RORB: variants seen among roughly 807,000 people sequenced by gnomAD.
The protein encoded by RORB is nuclear receptor ROR-beta.
RORB carries 6 observed loss-of-function variants against 59.1 expected under a neutral mutation model. The observed-to-expected ratio is 0.10, with a 90% CI of 0.06 to 0.20. The LOEUF is 0.20. Ranked by LOEUF, RORB falls within the 10% of genes least tolerant of loss-of-function variation. RORB has a pLI of 1.00. For synonymous variants in RORB, 215 were observed against 204.5 expected (o/e 1.05, Z -0.44); for missense variants, 320 against 560.5 (o/e 0.57, Z 4.33).
At chr9:74,640,469 G>A (rs891399420) in intron 3 of RORB, among the ~76,000 whole-genome samples, 1 of 151,780 alleles carries the variant, frequency 6.6e-6, no homozygotes, top group Non-Finnish European at 1.5e-5. Flanking sequence ...ATTTTTAGTA[G>A]AGACAGGGTT....
At chr9:74,534,125 A>C (rs1461426440) in intron 1 of RORB, among the ~76,000 whole-genome samples, 1 of 151,868 alleles carries the variant, frequency 6.6e-6, no homozygotes, top group Non-Finnish European at 1.5e-5. Context: ...TATGTTTGCT[A>C]TTTTCTTCCT....
intron 1 of RORB, among the ~76,000 whole-genome samples, chr9:74,526,410 G>A (rs1209801237): frequency 1.3e-5 from 2 of 151,692 alleles, no homozygotes; most frequent in African/African-American, 4.8e-5. Flanking sequence ...CCAGCATGGA[G>A]CTCGCCTTCC....
chr9:74,554,578 A>T (rs932542347), intron 1 of RORB, among the ~76,000 whole-genome samples: 2 of 27,872 alleles, frequency 7.2e-5, no homozygotes, highest in Non-Finnish European at 1.4e-4. Flanking sequence ...GAATAACTTA[A>T]AAAAAAAAAA....
chr9:74,497,697 C>T lies in RORB; in HGVS notation c.-280C>T, dbSNP rs1563921151. 4 of 499,318 alleles carry T rather than the reference C, an allele frequency of 8.0e-6. No homozygotes were observed. Among genetic ancestry groups the T allele is most frequent in the Non-Finnish European group, 1.4e-5 (4 of 280,704 alleles). The allele number at this position is 499,318 out of a possible 1,614,324, so 30.9% of individuals were successfully genotyped here. ...CAAAACCAAAACAAAACCCAGGCAC[C>T]AGACAGCCAGAACATTTTTTTTTCA... On this transcript the variant is annotated 5_prime_UTR_variant, in exon 1 of 10. Coordinates refer to ENST00000376896, the MANE Select transcript of RORB (RefSeq NM_006914.4).
chr9:74,587,434 T>C (rs1822818462), intron 1 of RORB, among the ~76,000 whole-genome samples: 1 of 152,216 alleles, frequency 6.6e-6, no homozygotes. Context: ...TATATTGTTC[T>C]CTATGTTTTT....
chr9:74,588,687 G>A (rs1310820240), intron 1 of RORB, among the ~76,000 whole-genome samples: 4 of 152,132 alleles, frequency 2.6e-5, no homozygotes, highest in African/African-American at 7.2e-5. Context: ...TTCTTTTTGG[G>A]CCATTAGTAC....
chr9:74,627,775 C>T (rs986909523), intron 1 of RORB, among the ~76,000 whole-genome samples: 3 of 151,664 alleles, frequency 2.0e-5, no homozygotes, highest in African/African-American at 7.3e-5. Flanking sequence ...TATAAACAAT[C>T]CAACATTTGA....
intron 1 of RORB, among the ~76,000 whole-genome samples, chr9:74,583,601 C>G (rs1159678126): frequency 6.6e-6 from 1 of 151,858 alleles, no homozygotes; most frequent in Admixed American, 6.6e-5. Flanking sequence ...CATTTTCAAT[C>G]AAACAGATTT....
intron 1 of RORB, among the ~76,000 whole-genome samples, chr9:74,623,027 G>A (rs998254234): frequency 2.0e-4 from 31 of 152,148 alleles, no homozygotes; most frequent in African/African-American, 7.2e-4. Context: ...AATGAGACAG[G>A]ACAGCTTTTC....
chr9:74,544,208 A>G (rs961172117), intron 1 of RORB, among the ~76,000 whole-genome samples: 2 of 152,062 alleles, frequency 1.3e-5, no homozygotes, highest in Non-Finnish European at 2.9e-5. Context: ...ATTCTCTATC[A>G]TTATCCTTCT....
intron 1 of RORB, among the ~76,000 whole-genome samples, chr9:74,615,402 C>T (rs1289057952): frequency 6.6e-6 from 1 of 152,154 alleles, no homozygotes; most frequent in Non-Finnish European, 1.5e-5. Flanking sequence ...ATTCTCCCTC[C>T]CACCTTCTGC....
intron 9 of RORB, among the ~76,000 whole-genome samples, chr9:74,676,172 C>G (rs1169702698): frequency 2.0e-5 from 3 of 152,198 alleles, no homozygotes; most frequent in African/African-American, 7.2e-5. Flanking sequence ...ACAGGTCAGG[C>G]CCATAGCTGG....
intron 1 of RORB, among the ~76,000 whole-genome samples, chr9:74,522,572 T>C (rs1030444974): frequency 6.6e-6 from 1 of 151,834 alleles, no homozygotes; most frequent in Non-Finnish European, 1.5e-5. Context: ...GGGTGTTTGC[T>C]TCAATAAGGG....
rs530085536 is a variant in RORB, at chr9:74,688,025, T to C, written c.*2407T>C. Reference sequence around the variant, plus strand: ...TCCAATTTACCTTAGAGGATTTAAATTGGCTCAATTGATGAAGTGGCTCAG... The same window carrying C: ...TCCAATTTACCTTAGAGGATTTAAACTGGCTCAATTGATGAAGTGGCTCAG... On this transcript the variant is annotated 3_prime_UTR_variant, in exon 10 of 10. Coordinates refer to ENST00000376896, the MANE Select transcript of RORB (RefSeq NM_006914.4). 7 of 152,218 alleles carry C rather than the reference T, an allele frequency of 4.6e-5. No homozygotes were observed. The highest frequency in any genetic ancestry group is 4.4e-5 in the Non-Finnish European group (3 of 68,034). The allele number at this position is 152,218 out of a possible 1,614,324, so 9.4% of individuals were successfully genotyped here.
intron 4 of RORB, among the ~76,000 whole-genome samples, chr9:74,643,920 A>G (rs75702328): frequency 0.014 from 2,082 of 152,348 alleles, 43 homozygotes; most frequent in African/African-American, 0.046. Flanking sequence ...CAAGGGGGAA[A>G]GCATTAGCTT....
rs371641670 is a variant in RORB at position 74,614,632 on chromosome 9, T to C, written c.8-15650T>C. 9.2e-5 allele frequency among the ~76,000 whole-genome samples: 14 copies of C among 152,156 alleles called. No homozygotes were observed. In the East Asian group the frequency reaches 2.7e-3, roughly 29 times the overall value. The stretch of plus-strand genomic sequence containing the variant: ...TAAGAAAAGGTTTGTGATAAGTGAT[T>C]AGTGGAAAGAAATCAAGAGCTTTCA... On this transcript the variant is annotated intron_variant, in intron 1 of 9. Coordinates refer to ENST00000376896, the MANE Select transcript of RORB (RefSeq NM_006914.4).
At chr9:74,656,224 C>T (rs1003686000) in intron 4 of RORB, among the ~76,000 whole-genome samples, 3 of 152,054 alleles carry the variant, frequency 2.0e-5, no homozygotes, top group Non-Finnish European at 2.9e-5. Flanking sequence ...TGGTTGAGCA[C>T]CTACTATATT....
chr9:74,613,875 A>G (rs1160258671), intron 1 of RORB, among the ~76,000 whole-genome samples: 1 of 152,216 alleles, frequency 6.6e-6, no homozygotes, highest in African/African-American at 2.4e-5. Flanking sequence ...AATGGCATCC[A>G]GCTGCATTTA....
intron 1 of RORB, among the ~76,000 whole-genome samples, chr9:74,534,202 G>C (rs1216742824): frequency 6.6e-6 from 1 of 152,026 alleles, no homozygotes; most frequent in East Asian, 1.9e-4. Flanking sequence ...ACTCCCTTAA[G>C]GAGCTAAGAG....
Sources: gnomAD v4.1 joint callset for allele counts (sites outside exome capture counted in the v4.1 genomes callset) on GRCh38, gnomAD v4.1.1 for gene constraint, MANE v1.5 for transcripts, NCBI Gene and HGNC (gene_info 2026-07-23, HGNC 2026-07-21) for gene names.